Variants in DROSHA observed in about 807,000 individuals in gnomAD.
The protein encoded by DROSHA is drosha ribonuclease III.
In DROSHA, 56 loss-of-function variants were observed where a neutral mutation model predicts 181.9. The ratio of observed to expected loss-of-function variants is 0.31; its 90% CI spans 0.25 to 0.38. DROSHA has a LOEUF of 0.38. DROSHA is among the 10% of genes least tolerant of loss of function. The pLI is 1.00. For synonymous variants in DROSHA, 524 were observed against 591.2 expected, an observed-to-expected ratio of 0.89 and a Z score of 1.65; for missense variants, 1,218 against 1,743.5, an observed-to-expected ratio of 0.70 and a Z score of 5.37.
chr5:31,521,056 A>G (rs779009251), intron 6 of DROSHA, 67 bp downstream of exon 6: 1 of 1,546,514 alleles, frequency 6.5e-7, no homozygotes, highest in Non-Finnish European at 8.9e-7. Context: ...GTTGCTCCAT[A>G]CAAGCACAAA....
At chr5:31,410,978 T>C in intron 30 of DROSHA, 91 bp from the exon 31 acceptor site, 1 of 1,550,150 alleles carries the variant, frequency 6.5e-7, no homozygotes, top group East Asian at 2.3e-5. Flanking sequence ...TGAGAGGCTG[T>C]CACTGACAGG....
chr5:31,437,116 G>C (rs1213138962), intron 24 of DROSHA, 123 bp downstream of exon 24: 2 of 1,063,584 alleles, frequency 1.9e-6, no homozygotes, highest in East Asian at 2.6e-5. Context: ...CTCTACAAAA[G>C]AGATAAAATA....
chr5:31,486,606 G>A (rs1751791858), intron 13 of DROSHA, 44 bp from the exon 14 acceptor site: 2 of 1,568,586 alleles, frequency 1.3e-6, no homozygotes, highest in African/African-American at 1.4e-5. Context: ...ACGTCTCCCT[G>A]CAGGCTCATA....
chr5:31,457,123 C>CT (rs5867080), intron 20 of DROSHA, among the ~76,000 whole-genome samples: 77,070 of 99,122 alleles, frequency 0.78, 32,636 homozygotes, highest in Non-Finnish European at 0.91. Flanking sequence ...GAAATTAAGC[C>CT]TTTTTTTTTT....
chr5:31,448,130 A>T (rs1390131697), intron 23 of DROSHA, among the ~76,000 whole-genome samples: 1 of 152,258 alleles, frequency 6.6e-6, no homozygotes, highest in Non-Finnish European at 1.5e-5. Context: ...ACAGATACAT[A>T]AAATATGATA....
At chr5:31,486,469 C>G in intron 14 of DROSHA, 22 bp downstream of exon 14, 2 of 1,607,324 alleles carry the variant, frequency 1.2e-6, no homozygotes, top group Non-Finnish European at 1.7e-6. Context: ...TACATCAAAC[C>G]ACACACAATC....
chr5:31,512,939 A>C (rs1738854699), intron 8 of DROSHA, among the ~76,000 whole-genome samples: 2 of 152,344 alleles, frequency 1.3e-5, no homozygotes, highest in South Asian at 4.1e-4. Flanking sequence ...GAGCCTCCAT[A>C]AAGGAGCACA....
chr5:31,417,002 G>A (rs772087705), intron 30 of DROSHA, among the ~76,000 whole-genome samples: 1 of 152,214 alleles, frequency 6.6e-6, no homozygotes, highest in South Asian at 2.1e-4. Context: ...GGAGAAGACA[G>A]ATAGTAAACA....
chr5:31,406,241 C>T (rs969097133), intron 34 of DROSHA, among the ~76,000 whole-genome samples: 1 of 152,048 alleles, frequency 6.6e-6, no homozygotes, highest in Non-Finnish European at 1.5e-5. Flanking sequence ...ACACAGTGAA[C>T]TCATACCTAA....
chr5:31,414,967 G>T (rs1353897360), intron 30 of DROSHA, among the ~76,000 whole-genome samples: 1 of 152,216 alleles, frequency 6.6e-6, no homozygotes, highest in Non-Finnish European at 1.5e-5. Flanking sequence ...GGAAAGGACT[G>T]CTGAATTCCT....
chr5:31,457,528 G>A (rs1747820566), intron 20 of DROSHA, among the ~76,000 whole-genome samples: 1 of 152,170 alleles, frequency 6.6e-6, no homozygotes, highest in Non-Finnish European at 1.5e-5. Context: ...AAGTACACTT[G>A]ACCCTGTAAA....
intron 11 of DROSHA, among the ~76,000 whole-genome samples, chr5:31,500,488 T>C (rs1404204949): frequency 2.0e-5 from 3 of 152,198 alleles, no homozygotes; most frequent in Non-Finnish European, 4.4e-5. Flanking sequence ...AAAGCTGAAA[T>C]ACCGGAATTG....
chr5:31,510,735 G>C, intron 9 of DROSHA, among the ~76,000 whole-genome samples: 1 of 152,168 alleles, frequency 6.6e-6, no homozygotes, highest in Non-Finnish European at 1.5e-5. Flanking sequence ...AGAGGCAGGG[G>C]GCATGGGCTC....
chr5:31,433,794 C>T lies in DROSHA; in HGVS notation c.3042+1971G>A, dbSNP rs536679856. The stretch of plus-strand genomic sequence containing the variant: ...ATCTCCTGACCTCGTGATCTGCCTG[C>T]CTCGGCTTACCTCCTGTAATCATGC... On this transcript the variant is annotated intron_variant, in intron 25 of 35. Coordinates refer to ENST00000344624, the MANE Select transcript of DROSHA (RefSeq NM_001382508.1). Among the ~76,000 whole-genome samples, 68 of 152,278 alleles carry T rather than the reference C, an allele frequency of 4.5e-4. 2 individuals carry two copies. In the South Asian group the frequency reaches 0.014, roughly 31 times the overall value.
intron 28 of DROSHA, 29 bp downstream of exon 28, chr5:31,424,398 C>G: frequency 6.3e-7 from 1 of 1,590,094 alleles, no homozygotes; most frequent in Non-Finnish European, 8.6e-7. Context: ...AGTTATAAAG[C>G]TCACTGCAGA....
chr5:31,479,768 T>C (rs1750809172), intron 16 of DROSHA, among the ~76,000 whole-genome samples: 1 of 152,108 alleles, frequency 6.6e-6, no homozygotes, highest in Non-Finnish European at 1.5e-5. Flanking sequence ...TATCTGTATA[T>C]TTGAATAGCA....
intron 13 of DROSHA, among the ~76,000 whole-genome samples, chr5:31,488,291 T>C (rs1752016920): frequency 6.6e-6 from 1 of 151,354 alleles, no homozygotes; most frequent in Non-Finnish European, 1.5e-5. Context: ...GTGGCGTCTA[T>C]AATCCCAGCT....
intron 13 of DROSHA, among the ~76,000 whole-genome samples, chr5:31,491,491 T>C (rs1294705437): frequency 1.3e-5 from 2 of 152,120 alleles, no homozygotes; most frequent in African/African-American, 4.8e-5. Context: ...ATCCTAAAAG[T>C]CAAAATAAGA....
chr5:31,448,985 A>G (rs748764548), intron 22 of DROSHA, among the ~76,000 whole-genome samples: 11 of 152,124 alleles, frequency 7.2e-5, no homozygotes, highest in African/African-American at 1.2e-4. Context: ...ATACAAAAAA[A>G]CTAGCCAAGT....
Sources: gnomAD v4.1 joint callset for allele counts (sites outside exome capture counted in the v4.1 genomes callset) on GRCh38, gnomAD v4.1.1 for gene constraint, MANE v1.5 for transcripts, NCBI Gene and HGNC (gene_info 2026-07-23, HGNC 2026-07-21) for gene names.